Variants in HK2 observed in about 807,000 individuals in gnomAD.
HK2 encodes hexokinase-2.
Under a neutral mutation model 92.9 loss-of-function variants are expected in HK2, and 42 were observed. The observed-to-expected ratio is 0.45, with a 90% CI of 0.35 to 0.58. The LOEUF is 0.58. HK2 is among the 20% of genes least tolerant of loss of function. The pLI is 0.00. For synonymous variants in HK2, 422 were observed against 468.0 expected, an observed-to-expected ratio of 0.90 and a Z score of 1.27; for missense variants, 978 against 1,245.1, an observed-to-expected ratio of 0.79 and a Z score of 3.23.
rs1008523289 is a variant in HK2 at position 74,873,367 on chromosome 2, G to C, written c.587G>C (p.Arg196Thr). ...CTGATCCGGAAGGCCATCCAGAGGA[G>C]AGGGGTGAGTGGGGTGGCAGGAGCT... The part of the protein sequence containing the change: ...VALIRKAIQR[R>T]GDFDIDIVAV... The change falls in exon 5 of 18, where the codon AGA (arginine) becomes ACA (threonine). Residue 196 changes from arginine to threonine, a missense_variant. Coordinates refer to ENST00000290573, the MANE Select transcript of HK2 (RefSeq NM_000189.5). 1.2e-6 allele frequency: 2 copies of C among 1,612,800 alleles called. No individual in the cohort carries two copies. The highest frequency in any genetic ancestry group is 1.7e-6 in the Non-Finnish European group (2 of 1,178,920).
chr2:74,867,227 C>A (rs576470672), intron 2 of HK2, among the ~76,000 whole-genome samples: 1 of 151,374 alleles, frequency 6.6e-6, no homozygotes, highest in South Asian at 2.1e-4. Flanking sequence ...TTCGTAGCAA[C>A]CTGGATGGGA....
intron 1 of HK2, among the ~76,000 whole-genome samples, chr2:74,840,710 A>C (rs1220257998): frequency 2.0e-5 from 1 of 49,260 alleles, no homozygotes; most frequent in Non-Finnish European, 4.4e-5. Context: ...TACTAAAAAT[A>C]CAAAAAAAAA....
chr2:74,888,896 T>C (rs1228872692), intron 16 of HK2, among the ~76,000 whole-genome samples: 1 of 152,076 alleles, frequency 6.6e-6, no homozygotes, highest in African/African-American at 2.4e-5. Context: ...TGCAAACCCA[T>C]GAACAGCAGC....
chr2:74,842,365 A>G (rs547330437), intron 1 of HK2, among the ~76,000 whole-genome samples: 23 of 152,368 alleles, frequency 1.5e-4, no homozygotes, highest in African/African-American at 5.0e-4. Flanking sequence ...GAGATATTCA[A>G]CACTTTATTG....
At chr2:74,859,308 A>G (rs1688762088) in intron 2 of HK2, among the ~76,000 whole-genome samples, 1 of 152,224 alleles carries the variant, frequency 6.6e-6, no homozygotes, top group Non-Finnish European at 1.5e-5. Flanking sequence ...TTACATAGTA[A>G]CTAGAGTTCA....
intron 1 of HK2, among the ~76,000 whole-genome samples, chr2:74,836,329 C>G (rs950831757): frequency 1.8e-4 from 28 of 152,204 alleles, no homozygotes; most frequent in African/African-American, 6.0e-4. Flanking sequence ...ATACCACTCT[C>G]AATCTTGGAA....
At chr2:74,857,508 A>T (rs1367385447) in intron 2 of HK2, among the ~76,000 whole-genome samples, 3 of 152,146 alleles carry the variant, frequency 2.0e-5, no homozygotes, top group Non-Finnish European at 4.4e-5. Context: ...AGTGTTGCTT[A>T]ATCGCACCTA....
chr2:74,841,988 G>A (rs1688325086), intron 1 of HK2, among the ~76,000 whole-genome samples: 1 of 152,248 alleles, frequency 6.6e-6, no homozygotes, highest in South Asian at 2.1e-4. Context: ...CTGGAGTCAG[G>A]CTCCCTGGGG....
chr2:74,867,155 A>G (rs1208226982), intron 2 of HK2, among the ~76,000 whole-genome samples: 1 of 152,118 alleles, frequency 6.6e-6, no homozygotes, highest in Non-Finnish European at 1.5e-5. Flanking sequence ...TGATTGAATT[A>G]TAAAAGTAAT....
At chr2:74,886,038 AAAAG>A (rs750430118) in intron 13 of HK2, among the ~76,000 whole-genome samples, 15 of 152,048 alleles carry the variant, frequency 9.9e-5, no homozygotes, top group Non-Finnish European at 1.5e-4. Flanking sequence ...TTAAAAAAAA[AAAAG>A]AAAGAAAAGG....
intron 9 of HK2, among the ~76,000 whole-genome samples, chr2:74,879,208 C>T (rs559519216): frequency 5.2e-4 from 79 of 152,268 alleles, no homozygotes; most frequent in African/African-American, 1.8e-3. Flanking sequence ...CGTTATTGTT[C>T]CTGTCTTTAC....
intron 2 of HK2, among the ~76,000 whole-genome samples, chr2:74,860,099 G>A (rs1031500476): frequency 1.3e-5 from 2 of 151,560 alleles, no homozygotes; most frequent in Admixed American, 6.6e-5. Flanking sequence ...TCACTTATAA[G>A]TGGGAGCTAA....
At position 74,872,287 on chromosome 2, in the gene HK2, C is replaced by T. The variant is rs1274439911; in HGVS notation, c.376-13C>T. 1 of 1,613,820 alleles carries T rather than the reference C, an allele frequency of 6.2e-7. No individual in the cohort carries two copies. Among genetic ancestry groups the T allele is most frequent in the Admixed American group, 1.7e-5 (1 of 60,016 alleles). ...GACCTCTCTGCTCACCACCCTGTGT[C>T]ATGTATCCTTAGCTGTTTGACCACA... is the stretch of plus-strand genomic sequence containing the variant. On this transcript the variant is annotated splice_polypyrimidine_tract_variant and intron_variant, in intron 3 of 17. Transcript: ENST00000290573.
At chr2:74,852,650 A>G (rs1168088772) in intron 1 of HK2, among the ~76,000 whole-genome samples, 1 of 152,154 alleles carries the variant, frequency 6.6e-6, no homozygotes, top group Non-Finnish European at 1.5e-5. Context: ...GCTGGGCAAT[A>G]TAGCAAGACC....
chr2:74,873,866 C>T lies in HK2; in HGVS notation c.614C>T (p.Ala205Val), dbSNP rs1454542657. ...RRGDFDIDIV[A>V]VVNDTVGTMM... Reference sequence around the variant, plus strand: ...CAGGACTTTGATATCGACATTGTGGCTGTGGTGAATGACACAGTTGGGACC... The same window carrying T: ...CAGGACTTTGATATCGACATTGTGGTTGTGGTGAATGACACAGTTGGGACC... Residue 205 changes from alanine to valine, a missense_variant, in exon 6 of 18, where the codon GCT becomes GTT. Ala to Val is a moderately conservative substitution (Grantham distance 64, BLOSUM62 0). Around this residue, in one of 3 missense-constraint regions of HK2, gnomAD observed 189 missense variants for 289.5 expected, o/e 0.65. Coordinates refer to ENST00000290573, the MANE Select transcript of HK2 (RefSeq NM_000189.5). The T allele has an allele frequency of 6.2e-6, 10 of 1,613,702 alleles. No individual in the cohort carries two copies. The Admixed American group carries it at 8.3e-5, about 13-fold the overall frequency.
At chr2:74,844,038 A>G (rs1315004012) in intron 1 of HK2, among the ~76,000 whole-genome samples, 1 of 152,238 alleles carries the variant, frequency 6.6e-6, no homozygotes, top group Non-Finnish European at 1.5e-5. Context: ...GCCAGAATCC[A>G]GACCCAGGCA....
In HK2 at chr2:74,872,392, C is replaced by T; in HGVS notation, c.468C>T (p.Phe156=). The change falls in exon 4 of 18, where the codon TTC becomes TTT. Residue 156 remains phenylalanine, a synonymous_variant. Coordinates refer to ENST00000290573, the MANE Select transcript of HK2 (RefSeq NM_000189.5). The part of the protein sequence containing the change: ...KKLPLGFTFS[F]PCHQTKLDES... ...TCCCACTGGGTTTTACCTTCTCGTT[C>T]CCCTGCCACCAGACTAAACTAGACG... 1.2e-6 allele frequency: 2 copies of T among 1,614,048 alleles called. No individual in the cohort carries two copies. The highest frequency in any genetic ancestry group is 1.3e-5 in the African/African-American group (1 of 75,038).
intron 1 of HK2, among the ~76,000 whole-genome samples, chr2:74,842,276 A>G (rs951693337): frequency 6.6e-6 from 1 of 152,208 alleles, no homozygotes; most frequent in African/African-American, 2.4e-5. Flanking sequence ...AGTGATACGC[A>G]TTCAGTAGAA....
chr2:74,877,028 G>A (rs560910139), intron 7 of HK2, 138 bp from the exon 8 acceptor site: 5 of 1,150,660 alleles, frequency 4.3e-6, no homozygotes, highest in East Asian at 2.4e-5. Context: ...ACCTCTCCAC[G>A]TATCTTACTC....
Sources: allele counts gnomAD v4.1 joint callset (sites outside exome capture counted in the v4.1 genomes callset), GRCh38; gene constraint gnomAD v4.1.1; regional missense constraint gnomAD v4.1.1; transcripts MANE v1.5; gene names NCBI Gene and HGNC (gene_info 2026-07-23, HGNC 2026-07-21).